The following ZNF554 variants were observed in gnomAD, a reference collection of about 807,000 sequenced individuals.
ZNF554 encodes zinc finger protein 554.
ZNF554 carries 15 observed loss-of-function variants against 21.2 expected under a neutral mutation model. The ratio of observed to expected loss-of-function variants is 0.71; its 90% CI spans 0.47 to 1.09. The LOEUF (loss-of-function observed/expected upper bound fraction) is 1.09. ZNF554 is among the 50% of genes least tolerant of loss of function. The probability of loss-of-function intolerance (pLI) is 0.00; values close to 1 mark genes in which losing one functional copy is unlikely to be tolerated. For missense variants in ZNF554, 691 were observed against 662.7 expected (o/e 1.04, Z -0.47); for synonymous variants, 258 against 251.4 (o/e 1.03, Z -0.25).
chr19:2,835,511 A>G lies in ZNF554; in HGVS notation c.*659A>G, dbSNP rs2087488377. 6.6e-6 allele frequency: 1 copy of G among 151,546 alleles called. No individual in the cohort carries two copies. Among genetic ancestry groups the G allele is most frequent in the Admixed American group, 6.6e-5 (1 of 15,230 alleles). 9.4% of individuals were successfully genotyped at this position (151,546 alleles called of 1,614,324 possible). A position where few individuals can be genotyped will look rare whatever the true frequency, so the allele number is the denominator to read the frequency against. On this transcript the variant is annotated 3_prime_UTR_variant, in exon 5 of 5. Transcript: ENST00000317243. ...AATTATAGAGTTGGGGTCTTGCTAC[A>G]TTGCCAAGACTGGTCTTGAACTCCT...
rs771226802 is a variant in ZNF554, at chr19:2,834,164, C to T, written c.929C>T (p.Ala310Val). Residue 310 changes from alanine (A) to valine (V), a missense_variant, in exon 5 of 5, where the codon GCC becomes GTC. Ala to Val is a moderately conservative substitution (Grantham distance 64). Transcript: ENST00000317243. ...ENGQSLNHGM[A>V]LTIHNKINTA... ...GGGCAGTCATTGAACCACGGTATGG[C>T]CCTGACTATCCACAACAAAATCAAC... is the stretch of plus-strand genomic sequence containing the variant. The T allele has an allele frequency of 1.2e-6, 2 of 1,613,984 alleles. No homozygotes were observed. Among genetic ancestry groups the T allele is most frequent in the Admixed American group, 1.7e-5 (1 of 60,018 alleles).
At chr19:2,831,343 G>C (rs918542554) in intron 3 of ZNF554, 2 of 149,742 alleles carry the variant, frequency 1.3e-5, no homozygotes, top group Non-Finnish European at 3.0e-5. Flanking sequence ...CGCCCATGCT[G>C]GAATGCAGTG....
Position 2,822,958 on chromosome 19 carries a change from T to C in ZNF554, c.54-82T>C, listed in dbSNP as rs1325300518. 4.8e-6 allele frequency: 7 copies of C among 1,467,496 alleles called. No homozygotes were observed. The East Asian group carries it at 1.6e-4, about 34-fold the overall frequency. 90.9% of individuals were successfully genotyped at this position (1,467,496 alleles called of 1,614,324 possible). On this transcript the variant is annotated intron_variant, in intron 1 of 4. Coordinates refer to ENST00000317243, the MANE Select transcript of ZNF554 (RefSeq NM_001102651.2). ...TGTATGGGGGGCCCCTTCAAGCAAA[T>C]GGAGGTTCTCCAGGCCAAGGGCTCT...
chr19:2,819,948 T>A lies in ZNF554; in HGVS notation c.-124T>A. On this transcript the variant is annotated 5_prime_UTR_variant, in exon 1 of 5. Coordinates refer to ENST00000317243, the MANE Select transcript of ZNF554 (RefSeq NM_001102651.2). ...TCCTGAGGGGCGCCTGCGGGGGGCG[T>A]CCGCTCCGAGCGCCGAGGAGCCGAG... 1.3e-6 allele frequency: 1 copy of A among 741,534 alleles called. No individual in the cohort carries two copies. The allele number at this position is 741,534 out of a possible 1,614,324, so 45.9% of individuals were successfully genotyped here.
At chr19:2,827,555 C>T in intron 2 of ZNF554, 62 bp from the exon 3 acceptor site, 1 of 1,568,538 alleles carries the variant, frequency 6.4e-7, no homozygotes. Context: ...AACCTCACCC[C>T]TCCTCCCATG....
At chr19:2,826,545 A>G (rs929651515) in intron 2 of ZNF554, among the ~76,000 whole-genome samples, 1 of 152,050 alleles carries the variant, frequency 6.6e-6, no homozygotes, top group Non-Finnish European at 1.5e-5. Context: ...GTGCTGTTTT[A>G]TACCATGGAT....
intron 3 of ZNF554, among the ~76,000 whole-genome samples, chr19:2,830,102 A>AT (rs1422400763): frequency 6.6e-6 from 1 of 151,876 alleles, no homozygotes; most frequent in Non-Finnish European, 1.5e-5. Flanking sequence ...TTTTTTAATA[A>AT]TTTTTTGTAT....
chr19:2,832,308 T>C lies in ZNF554; in HGVS notation c.259T>C (p.Leu87=). The C allele has an allele frequency of 6.3e-7, 1 of 1,580,942 alleles. No homozygotes were observed. Among genetic ancestry groups the C allele is most frequent in the East Asian group, 2.3e-5 (1 of 44,430 alleles). ...TATACTCTTGTCTTTTTCAGAAGCC[T>C]TGAAGAACCAATGTACTGATGTGGG... ...NYRNVVSLEA[L]KNQCTDVGIK... The change falls in exon 4 of 5, where the codon TTG becomes CTG. Residue 87 remains leucine (L), a synonymous_variant. Coordinates refer to ENST00000317243, the MANE Select transcript of ZNF554 (RefSeq NM_001102651.2).
intron 3 of ZNF554, chr19:2,830,778 T>TTTA (rs879297090): frequency 2.0e-5 from 3 of 150,322 alleles, no homozygotes; most frequent in Non-Finnish European, 4.4e-5. Flanking sequence ...TTTTTTTTTT[T>TTTA]ATGAGACGGA....
chr19:2,834,322 C>T lies in ZNF554; in HGVS notation c.1087C>T (p.His363Tyr), dbSNP rs752940061. ...ECQECGRAFT[H>Y]SSTLTRHLRT... ...TCAGGAGTGTGGGCGAGCCTTTACG[C>T]ACAGCTCCACCCTCACGCGCCATCT... Residue 363 changes from histidine to tyrosine, a missense_variant, in exon 5 of 5, where the codon CAC becomes TAC. Coordinates refer to ENST00000317243, the MANE Select transcript of ZNF554 (RefSeq NM_001102651.2). 1 of 1,614,070 alleles carries T rather than the reference C, an allele frequency of 6.2e-7. No homozygotes were observed. The highest frequency in any genetic ancestry group is 8.5e-7 in the Non-Finnish European group (1 of 1,180,038).
chr19:2,831,970 G>T (rs978002246), intron 3 of ZNF554: 1 of 173,502 alleles, frequency 5.8e-6, no homozygotes, highest in Non-Finnish European at 1.2e-5. Context: ...CTGTTGCCCA[G>T]GCTGGAGTGC....
At position 2,828,417 on chromosome 19, in the gene ZNF554, G is replaced by A. The variant is rs541970663; in HGVS notation, c.253+674G>A. ...CTATAAAGAGTACCACCTAGGCTGG[G>A]TGTGGTGGCTCATGCCTGTTATCCA... On this transcript the variant is annotated intron_variant, in intron 3 of 4. Transcript: ENST00000317243. Among the ~76,000 whole-genome samples the A allele has an allele frequency of 2.0e-5, 3 of 152,204 alleles. No individual in the cohort carries two copies. In the South Asian group the frequency reaches 6.2e-4, roughly 31 times the overall value.
intron 4 of ZNF554, chr19:2,833,139 T>C (rs924585590): frequency 2.4e-5 from 3 of 126,042 alleles, no homozygotes; most frequent in African/African-American, 8.2e-5. Context: ...AACAGGGTAA[T>C]TTCTTTCTTT....
chr19:2,820,153 C>T (rs1441548657), intron 1 of ZNF554, 29 bp downstream of exon 1: 4 of 1,218,688 alleles, frequency 3.3e-6, no homozygotes, highest in Non-Finnish European at 4.1e-6. Flanking sequence ...CGCGCCGCGA[C>T]CTCCGTGCCG....
rs2087481951 is a variant in ZNF554, at chr19:2,835,062, G to C, written c.*210G>C. Reference sequence around the variant, plus strand: ...CACCCAGGCTGGAGTCCAGTGGCGTGATCATACCTCACTGCAGCTTCAACT... The same window carrying C: ...CACCCAGGCTGGAGTCCAGTGGCGTCATCATACCTCACTGCAGCTTCAACT... On this transcript the variant is annotated 3_prime_UTR_variant, in exon 5 of 5. Transcript: ENST00000317243. The C allele has an allele frequency of 7.6e-6, 4 of 524,086 alleles. No homozygotes were observed. The highest frequency in any genetic ancestry group is 1.3e-5 in the Non-Finnish European group (4 of 296,348). The allele number at this position is 524,086 out of a possible 1,614,324, so 32.5% of individuals were successfully genotyped here.
chr19:2,823,302 G>C (rs1196837805), intron 2 of ZNF554, among the ~76,000 whole-genome samples, 190 bp downstream of exon 2: 2 of 152,166 alleles, frequency 1.3e-5, no homozygotes, highest in Non-Finnish European at 1.5e-5. Context: ...TATTGGGACT[G>C]AGCACAGCCT....
rs2087498924 is a variant in ZNF554, at chr19:2,836,621, A to T, written c.*1769A>T. 6.6e-6 allele frequency among the ~76,000 whole-genome samples: 1 copy of T among 152,238 alleles called. No homozygotes were observed. The highest frequency in any genetic ancestry group is 2.1e-4 in the South Asian group (1 of 4,832). ...ACGCAATGATTGGGGTGTTCCAATT[A>T]TGTGTGATTTTGTGTTTTCTGCCGT... On this transcript the variant is annotated 3_prime_UTR_variant, in exon 5 of 5. Coordinates refer to ENST00000317243, the MANE Select transcript of ZNF554 (RefSeq NM_001102651.2).
intron 2 of ZNF554, among the ~76,000 whole-genome samples, chr19:2,825,067 C>T (rs1363502962): frequency 7.5e-6 from 1 of 133,196 alleles, no homozygotes; most frequent in Non-Finnish European, 1.5e-5. Flanking sequence ...GGTTGGAGTG[C>T]AGTGGCGCGA....
rs1049938833 is a variant in ZNF554, at chr19:2,835,985, C to G, written c.*1133C>G. The stretch of plus-strand genomic sequence containing the variant: ...CTGGGACTACACATGTGCACCGCTA[C>G]CACACCCAGCTAAATTTTTTTTTTG... On this transcript the variant is annotated 3_prime_UTR_variant, in exon 5 of 5. Transcript: ENST00000317243. Among the ~76,000 whole-genome samples, 4 of 152,090 alleles carry G rather than the reference C, an allele frequency of 2.6e-5. No individual in the cohort carries two copies. The highest frequency in any genetic ancestry group is 9.7e-5 in the African/African-American group (4 of 41,400).
Sources: gnomAD v4.1 joint callset for allele counts (sites outside exome capture counted in the v4.1 genomes callset) on GRCh38, gnomAD v4.1.1 for gene constraint, MANE v1.5 for transcripts, NCBI Gene and HGNC (gene_info 2026-07-23, HGNC 2026-07-21) for gene names.